MCTP2: variants seen among roughly 807,000 people sequenced by gnomAD.
MCTP2 encodes multiple C2 and transmembrane domain-containing protein 2.
MCTP2 carries 132 observed loss-of-function variants against 111.6 expected under a neutral mutation model. The ratio of observed to expected loss-of-function variants is 1.18; its 90% CI spans 1.03 to 1.37. The LOEUF (loss-of-function observed/expected upper bound fraction) is 1.37. MCTP2 is among the 40% of genes most tolerant of loss of function. The pLI is 0.00. For missense variants in MCTP2, 1,183 were observed against 1,067.9 expected, an observed-to-expected ratio of 1.11 and a Z score of -1.50; for synonymous variants, 395 against 387.7, an observed-to-expected ratio of 1.02 and a Z score of -0.22.
At chr15:94,412,063 T>C (rs2082176245) in intron 17 of MCTP2, among the ~76,000 whole-genome samples, 1 of 152,120 alleles carries the variant, frequency 6.6e-6, no homozygotes, top group Non-Finnish European at 1.5e-5. Flanking sequence ...ATAGGAAAGA[T>C]GGAGCCACAG....
intron 14 of MCTP2, among the ~76,000 whole-genome samples, chr15:94,388,947 T>G (rs937658259): frequency 6.6e-6 from 1 of 152,186 alleles, no homozygotes; most frequent in Non-Finnish European, 1.5e-5. Context: ...CTATTTTGTG[T>G]AACCACTGTG....
chr15:94,299,826 G>C (rs2075514716), intron 2 of MCTP2, among the ~76,000 whole-genome samples: 1 of 152,218 alleles, frequency 6.6e-6, no homozygotes, highest in Non-Finnish European at 1.5e-5. Flanking sequence ...GGTTTCACCA[G>C]GGAAGGGATC....
At chr15:94,314,209 G>C in intron 2 of MCTP2, 73 bp from the exon 3 acceptor site, 1 of 1,021,096 alleles carries the variant, frequency 9.8e-7, no homozygotes, top group Non-Finnish European at 1.5e-6. Context: ...GAAAAGACCT[G>C]ATAGAGGGTA....
chr15:94,372,586 TA>T (rs557616642), intron 12 of MCTP2, among the ~76,000 whole-genome samples: 3 of 152,290 alleles, frequency 2.0e-5, no homozygotes, highest in East Asian at 3.9e-4. Flanking sequence ...AAGTATGTAG[TA>T]AAAAAATAAA....
chr15:94,301,575 G>A (rs763186242), intron 2 of MCTP2, among the ~76,000 whole-genome samples: 1 of 152,268 alleles, frequency 6.6e-6, no homozygotes, highest in Middle Eastern at 3.4e-3. Context: ...CATGCCTTGC[G>A]CATAGCACAT....
intron 1 of MCTP2, among the ~76,000 whole-genome samples, chr15:94,265,584 CACT>C (rs1012100882): frequency 2.0e-5 from 3 of 152,026 alleles, no homozygotes; most frequent in Non-Finnish European, 2.9e-5. Flanking sequence ...AGATGTACAC[CACT>C]GTTTGCGTTG....
intron 2 of MCTP2, among the ~76,000 whole-genome samples, chr15:94,303,997 G>C (rs2075769412): frequency 6.6e-6 from 1 of 152,196 alleles, no homozygotes; most frequent in Non-Finnish European, 1.5e-5. Flanking sequence ...GCATCACTGA[G>C]TAAGTTCTTG....
chr15:94,321,279 A>G (rs941645632), intron 4 of MCTP2, among the ~76,000 whole-genome samples: 1 of 152,214 alleles, frequency 6.6e-6, no homozygotes, highest in African/African-American at 2.4e-5. Context: ...AATTTATTGT[A>G]TATTTCAAAA....
chr15:94,385,554 G>T, intron 14 of MCTP2, 29 bp downstream of exon 14: 2 of 1,472,464 alleles, frequency 1.4e-6, no homozygotes, highest in Non-Finnish European at 1.9e-6. Context: ...TAAACAATTT[G>T]TGAGTCATTT....
intron 14 of MCTP2, among the ~76,000 whole-genome samples, chr15:94,397,125 T>G (rs1201239205): frequency 6.6e-6 from 1 of 152,218 alleles, no homozygotes; most frequent in Admixed American, 6.5e-5. Flanking sequence ...GTTTTTAAAC[T>G]TATATTCTAT....
At chr15:94,416,058 G>A (rs1051118614) in intron 17 of MCTP2, among the ~76,000 whole-genome samples, 6 of 152,084 alleles carry the variant, frequency 3.9e-5, no homozygotes, top group African/African-American at 1.2e-4. Flanking sequence ...GTGCAAGCTT[G>A]CATTCCACCT....
intron 1 of MCTP2, among the ~76,000 whole-genome samples, chr15:94,295,543 G>A (rs2075234902): frequency 6.6e-6 from 1 of 152,096 alleles, no homozygotes; most frequent in African/African-American, 2.4e-5. Flanking sequence ...CATGTGCTGA[G>A]TCTTCAGCAG....
intron 18 of MCTP2, among the ~76,000 whole-genome samples, chr15:94,442,454 T>A (rs2083836005): frequency 6.6e-6 from 1 of 152,222 alleles, no homozygotes; most frequent in African/African-American, 2.4e-5. Context: ...AACCTGTAAC[T>A]TATTCTTAAG....
chr15:94,398,286 T>A (rs1229151094), intron 14 of MCTP2, among the ~76,000 whole-genome samples: 2 of 152,216 alleles, frequency 1.3e-5, no homozygotes, highest in East Asian at 3.8e-4. Flanking sequence ...TAAAACCAGC[T>A]CCTTTATTCA....
chr15:94,458,270 G>C, intron 20 of MCTP2, 24 bp downstream of exon 20: 4 of 1,394,976 alleles, frequency 2.9e-6, no homozygotes, highest in Non-Finnish European at 2.0e-6. Flanking sequence ...TTGTGTTGTG[G>C]TGTTTGCAGT....
intron 17 of MCTP2, chr15:94,403,122 C>T (rs1043018301): frequency 2.0e-5 from 20 of 986,346 alleles, no homozygotes; most frequent in Non-Finnish European, 2.4e-5. Context: ...TGTTTGCTGT[C>T]GTTTATTTTA....
chr15:94,360,639 G>A (rs1023819981), intron 10 of MCTP2, among the ~76,000 whole-genome samples: 1 of 152,128 alleles, frequency 6.6e-6, no homozygotes, highest in African/African-American at 2.4e-5. Context: ...AAGTCATTGT[G>A]CTGTCATGCT....
intron 4 of MCTP2, among the ~76,000 whole-genome samples, chr15:94,328,214 T>C (rs776692740): frequency 1.5e-4 from 22 of 151,434 alleles, no homozygotes; most frequent in Non-Finnish European, 2.1e-4. Context: ...CTGCAGGCTC[T>C]GCCTCCCGGG....
chr15:94,240,805 A>G (rs1342088833), intron 1 of MCTP2, among the ~76,000 whole-genome samples: 1 of 152,168 alleles, frequency 6.6e-6, no homozygotes, highest in East Asian at 1.9e-4. Flanking sequence ...ACATCTAAAT[A>G]TTACTACACT....
Sources: allele counts gnomAD v4.1 joint callset (sites outside exome capture counted in the v4.1 genomes callset), GRCh38; gene constraint gnomAD v4.1.1; transcripts MANE v1.5; gene names NCBI Gene and HGNC (gene_info 2026-07-23, HGNC 2026-07-21).